The following GRK5 variants were observed in gnomAD, a reference collection of about 807,000 sequenced individuals.
GRK5 encodes g protein-coupled receptor kinase GRK5.
Under a neutral mutation model 78.4 loss-of-function variants are expected in GRK5, and 40 were observed. The observed-to-expected ratio is 0.51, with a 90% CI of 0.40 to 0.66. The LOEUF is 0.66. Ranked by LOEUF, GRK5 falls within the 30% of genes least tolerant of loss-of-function variation. The pLI is 0.00. For synonymous variants in GRK5, 289 were observed against 296.8 expected, an observed-to-expected ratio of 0.97 and a Z score of 0.27; for missense variants, 598 against 759.9, an observed-to-expected ratio of 0.79 and a Z score of 2.50.
At chr10:119,211,011 A>G (rs1848477623) in intron 1 of GRK5, among the ~76,000 whole-genome samples, 1 of 152,248 alleles carries the variant, frequency 6.6e-6, no homozygotes. Flanking sequence ...AGTGGATTAG[A>G]GTAAAATGAT....
chr10:119,339,577 G>A (rs766199976), intron 2 of GRK5, among the ~76,000 whole-genome samples: 1 of 152,044 alleles, frequency 6.6e-6, no homozygotes, highest in Non-Finnish European at 1.5e-5. Flanking sequence ...GATATTTGGG[G>A]CCAATATAAA....
At chr10:119,256,006 G>C (rs547592358) in intron 1 of GRK5, among the ~76,000 whole-genome samples, 3 of 152,216 alleles carry the variant, frequency 2.0e-5, no homozygotes, top group South Asian at 4.2e-4. Context: ...AAGTAACTTG[G>C]ATATGACTGT....
chr10:119,421,870 C>T lies in GRK5; in HGVS notation c.340-1296C>T, dbSNP rs1295001227. ...AGGAAGGGATTTGGACATTCAGAAC[C>T]GTGGGGAACAGAAAACAAGCCACTG... On this transcript the variant is annotated intron_variant, in intron 4 of 15. Coordinates refer to ENST00000392870, the MANE Select transcript of GRK5 (RefSeq NM_005308.3). Among the ~76,000 whole-genome samples the T allele has an allele frequency of 2.0e-5, 3 of 152,128 alleles. No homozygotes were observed. The East Asian group carries it at 5.8e-4, about 29-fold the overall frequency.
rs150647704 is a variant in GRK5 at position 119,416,074 on chromosome 10, A to G, written c.340-7092A>G. Reference sequence around the variant, plus strand: ...CTGGGTGTAGCTCTGAGTTGATTTCATGGTCTTTCAGTCCCGCTTCATCCC... The same window carrying G: ...CTGGGTGTAGCTCTGAGTTGATTTCGTGGTCTTTCAGTCCCGCTTCATCCC... On this transcript the variant is annotated intron_variant, in intron 4 of 15. Transcript: ENST00000392870. Among the ~76,000 whole-genome samples the G allele has an allele frequency of 2.6e-4, 39 of 151,948 alleles. 1 individual carries two copies. The South Asian group carries it at 4.2e-3, about 16-fold the overall frequency.
At chr10:119,211,685 A>G (rs1389650206) in intron 1 of GRK5, 1 of 152,256 alleles carries the variant, frequency 6.6e-6, no homozygotes, top group Non-Finnish European at 1.5e-5. Context: ...ACAATTGCCA[A>G]ACATTAGAAT....
intron 3 of GRK5, among the ~76,000 whole-genome samples, chr10:119,394,518 G>GGTGTGTGTGGGTGTGTGGGTGTGTGGGT (rs1851985036): frequency 8.9e-5 from 1 of 11,190 alleles, no homozygotes; most frequent in Non-Finnish European, 1.7e-4. Flanking sequence ...CGTGTGTGTG[G>GGTGTGTGTGGGTGTGTGGGTGTGTGGGT]GTGTGTGTGG....
rs1187536283 is a variant in GRK5 at position 119,223,712 on chromosome 10, A to C, written c.52+15743A>C. On this transcript the variant is annotated intron_variant, in intron 1 of 15. Coordinates refer to ENST00000392870, the MANE Select transcript of GRK5 (RefSeq NM_005308.3). The stretch of plus-strand genomic sequence containing the variant: ...ATTAAAAATATCTATAATAATATAT[A>C]TATATTATATATATCTATATATATT... Among the ~76,000 whole-genome samples, 4 of 148,108 alleles carry C rather than the reference A, an allele frequency of 2.7e-5. No homozygotes were observed. The Admixed American group carries it at 2.7e-4, about 10-fold the overall frequency.
At chr10:119,437,725 C>T (rs764906538) in intron 9 of GRK5, among the ~76,000 whole-genome samples, 79 of 152,270 alleles carry the variant, frequency 5.2e-4, no homozygotes, top group Non-Finnish European at 1.0e-3. Context: ...CACTGATTAG[C>T]GTACATCTCT....
chr10:119,429,954 C>T (rs915122), intron 6 of GRK5, among the ~76,000 whole-genome samples: 78,999 of 152,038 alleles, frequency 0.52, 20,895 homozygotes, highest in Admixed American at 0.61. Flanking sequence ...ACCTCCTTCG[C>T]GTCCTTTGTG....
chr10:119,402,029 T>C (rs1262454965), intron 4 of GRK5, among the ~76,000 whole-genome samples: 1 of 152,162 alleles, frequency 6.6e-6, no homozygotes, highest in Non-Finnish European at 1.5e-5. Flanking sequence ...TGTTGTCCCA[T>C]GGTCAGTGCC....
In GRK5 at chr10:119,430,356, G is replaced by T. The variant is rs749720389; in HGVS notation, c.534-19G>T. 6.2e-7 allele frequency: 1 copy of T among 1,610,906 alleles called. No homozygotes were observed. The highest frequency in any genetic ancestry group is 8.5e-7 in the Non-Finnish European group (1 of 1,177,302). On this transcript the variant is annotated intron_variant, in intron 6 of 15. Coordinates refer to ENST00000392870, the MANE Select transcript of GRK5 (RefSeq NM_005308.3). This position sits in a 1 kb window ranked among gnomAD's most constrained non-coding sequence, Gnocchi z 4.5. The stretch of plus-strand genomic sequence containing the variant: ...GTCTTGGCACCATGAGACCAGTGTG[G>T]GATTCTTCTTTCTTCCAGGCAACCG...
chr10:119,332,985 C>T (rs1314265771), intron 2 of GRK5, among the ~76,000 whole-genome samples: 13 of 152,152 alleles, frequency 8.5e-5, no homozygotes, highest in Admixed American at 6.5e-4. Flanking sequence ...GCCATCTTTT[C>T]GTTTACTTGT....
chr10:119,209,365 A>G (rs1309482827), intron 1 of GRK5, among the ~76,000 whole-genome samples: 2 of 151,964 alleles, frequency 1.3e-5, no homozygotes, highest in African/African-American at 4.8e-5. Context: ...ACCCCAGCAG[A>G]GTTTAAAATA....
intron 1 of GRK5, among the ~76,000 whole-genome samples, chr10:119,251,747 C>T (rs1264447387): frequency 1.3e-5 from 2 of 152,178 alleles, no homozygotes; most frequent in South Asian, 2.1e-4. Context: ...TCATGGGGGC[C>T]GGCCTGTGCG....
intron 1 of GRK5, among the ~76,000 whole-genome samples, chr10:119,299,793 GATGTGTGTGTGTGTGT>G (rs1168365608): frequency 3.4e-5 from 4 of 117,724 alleles, no homozygotes; most frequent in Non-Finnish European, 7.3e-5. Context: ...CATTTAAGCA[GATGTGTGTGTGTGTGT>G]GTGTGTGTGT....
chr10:119,331,529 T>C (rs1029023136), intron 2 of GRK5, among the ~76,000 whole-genome samples: 9 of 152,246 alleles, frequency 5.9e-5, no homozygotes, highest in Non-Finnish European at 1.3e-4. Context: ...ATTTTTCTTG[T>C]GGACACATGA....
intron 4 of GRK5, among the ~76,000 whole-genome samples, chr10:119,416,503 C>T (rs992939949): frequency 6.6e-6 from 1 of 152,224 alleles, no homozygotes; most frequent in Non-Finnish European, 1.5e-5. Context: ...GGCGCTGGCC[C>T]TGCAGTCCAG....
intron 4 of GRK5, 99 bp from the exon 5 acceptor site, chr10:119,423,067 C>G: frequency 1.3e-6 from 1 of 773,254 alleles, no homozygotes; most frequent in Non-Finnish European, 2.3e-6. Flanking sequence ...GTACCAGCAC[C>G]TGGAGCGTGG....
At chr10:119,333,654 G>A in intron 2 of GRK5, 3 of 431,988 alleles carry the variant, frequency 6.9e-6, no homozygotes, top group South Asian at 5.1e-5. Context: ...GACTACTTAG[G>A]TGCTCAAAGG....
Sources: gnomAD v4.1 joint callset for allele counts (sites outside exome capture counted in the v4.1 genomes callset) on GRCh38, gnomAD v4.1.1 for gene constraint, Gnocchi (gnomAD v3.1) non-coding constraint, MANE v1.5 for transcripts, NCBI Gene and HGNC (gene_info 2026-07-23, HGNC 2026-07-21) for gene names.